STAB2: variants seen among roughly 807,000 people sequenced by gnomAD.
The protein encoded by STAB2 is stabilin 2.
STAB2 carries 288 observed loss-of-function variants against 338.1 expected under a neutral mutation model. The ratio of observed to expected loss-of-function variants is 0.85; its 90% CI spans 0.77 to 0.94. The LOEUF (loss-of-function observed/expected upper bound fraction) is 0.94, where lower values mean the gene tolerates loss of function less well. STAB2 is among the 40% of genes least tolerant of loss of function. The pLI, the probability that STAB2 is intolerant of heterozygous loss-of-function variation, is 0.00. For missense variants in STAB2, 3,141 were observed against 3,210.1 expected (o/e 0.98, Z 0.52); for synonymous variants, 1,202 against 1,193.3 (o/e 1.01, Z -0.15).
At chr12:103,714,574 C>T (rs1359397174) in intron 42 of STAB2, among the ~76,000 whole-genome samples, 2 of 151,868 alleles carry the variant, frequency 1.3e-5, no homozygotes, top group Admixed American at 6.6e-5. Flanking sequence ...GCACACACAG[C>T]TACTTGGGAG....
At chr12:103,663,206 A>C (rs1420491412) in intron 18 of STAB2, among the ~76,000 whole-genome samples, 2 of 152,192 alleles carry the variant, frequency 1.3e-5, no homozygotes, top group Non-Finnish European at 2.9e-5. Flanking sequence ...GAATTTCCGC[A>C]ATGATAGATG....
intron 25 of STAB2, among the ~76,000 whole-genome samples, chr12:103,680,368 C>T (rs1329273587): frequency 6.6e-6 from 1 of 152,174 alleles, no homozygotes; most frequent in Non-Finnish European, 1.5e-5. Flanking sequence ...GCCCACATGA[C>T]TCTAAAGGCC....
intron 35 of STAB2, 141 bp downstream of exon 35, chr12:103,703,417 A>G (rs1414754379): frequency 9.1e-7 from 1 of 1,103,018 alleles, no homozygotes; most frequent in East Asian, 2.5e-5. Flanking sequence ...TGATGTGCCA[A>G]GGAGCATACC....
chr12:103,716,314 C>T (rs1381920288), intron 43 of STAB2, among the ~76,000 whole-genome samples: 1 of 152,154 alleles, frequency 6.6e-6, no homozygotes, highest in Non-Finnish European at 1.5e-5. Context: ...CATGAGCTTG[C>T]AGCATCTGTC....
At chr12:103,680,646 C>T (rs1876815356) in intron 25 of STAB2, among the ~76,000 whole-genome samples, 2 of 152,336 alleles carry the variant, frequency 1.3e-5, no homozygotes, top group African/African-American at 4.8e-5. Context: ...AGCCCTTGTG[C>T]ACAATTACAG....
intron 49 of STAB2, among the ~76,000 whole-genome samples, chr12:103,731,070 G>A (rs77935644): frequency 6.6e-6 from 1 of 151,864 alleles, no homozygotes; most frequent in African/African-American, 2.4e-5. Flanking sequence ...GTCTAAAAAA[G>A]TTTTTTTTAA....
rs75472396 is a variant in STAB2 at position 103,757,533 on chromosome 12, T to C, written c.6988-637T>C. Among the ~76,000 whole-genome samples, 860 of 152,286 alleles carry C rather than the reference T, an allele frequency of 5.6e-3. 4 individuals carry two copies. The highest frequency in any genetic ancestry group is 0.02 in the African/African-American group (813 of 41,564). ...CCTATGGAAAAAGTGGAGCAGGGCTTGGGGGGCACCCCAGGGTCCCCCTTC... is the reference window on the plus strand; with the variant it reads ...CCTATGGAAAAAGTGGAGCAGGGCTCGGGGGGCACCCCAGGGTCCCCCTTC... On this transcript the variant is annotated intron_variant, in intron 63 of 68. Transcript: ENST00000388887.
chr12:103,640,244 C>T lies in STAB2; in HGVS notation c.1028C>T (p.Pro343Leu). The T allele has an allele frequency of 6.2e-7, 1 of 1,612,668 alleles. No individual in the cohort carries two copies. The highest frequency in any genetic ancestry group is 8.5e-7 in the Non-Finnish European group (1 of 1,179,128). The change falls in exon 9 of 69, where the codon CCA (proline) becomes CTA (leucine). Residue 343 changes from proline to leucine, a missense_variant. Physicochemically the swap from Pro to Leu is moderately conservative, Grantham distance 98 (BLOSUM62 -3). Transcript: ENST00000388887. ...AATGCAAATTGCACCACCGTCGCACCAGGCCGAACTGAGTAAGTCTTTTCA... is the reference window on the plus strand; with the variant it reads ...AATGCAAATTGCACCACCGTCGCACTAGGCCGAACTGAGTAAGTCTTTTCA... Reference protein sequence around the residue: ...HRNANCTTVAPGRTECICQKG... With the variant: ...HRNANCTTVALGRTECICQKG...
chr12:103,726,030 A>G, intron 45 of STAB2, 86 bp from the exon 46 acceptor site: 1 of 1,449,976 alleles, frequency 6.9e-7, no homozygotes, highest in Non-Finnish European at 9.6e-7. Flanking sequence ...AGCTGAAGGG[A>G]TGGCAGAGAA....
intron 3 of STAB2, among the ~76,000 whole-genome samples, chr12:103,611,753 C>T (rs536733051): frequency 3.9e-5 from 6 of 152,180 alleles, no homozygotes; most frequent in East Asian, 1.9e-4. Flanking sequence ...TTATTTTGCT[C>T]GTTAGTTGAT....
At chr12:103,724,669 G>A (rs1881039462) in intron 44 of STAB2, among the ~76,000 whole-genome samples, 1 of 152,032 alleles carries the variant, frequency 6.6e-6, no homozygotes, top group Non-Finnish European at 1.5e-5. Flanking sequence ...AAACAGGTGG[G>A]GTCTTCCTAG....
At chr12:103,717,260 C>T (rs11111728) in intron 43 of STAB2, among the ~76,000 whole-genome samples, 4,761 of 152,264 alleles carry the variant, frequency 0.031, 244 homozygotes, top group African/African-American at 0.11. Context: ...CAACTTGAAG[C>T]TTCCACCCAA....
intron 34 of STAB2, among the ~76,000 whole-genome samples, chr12:103,700,923 G>T (rs1461258753): frequency 1.3e-5 from 2 of 151,340 alleles, no homozygotes; most frequent in Non-Finnish European, 2.9e-5. Context: ...GTATACATGT[G>T]CCATGCTGGT....
chr12:103,603,926 T>A (rs969363267), intron 3 of STAB2, among the ~76,000 whole-genome samples: 3 of 152,202 alleles, frequency 2.0e-5, no homozygotes, highest in African/African-American at 7.2e-5. Flanking sequence ...TTACAAATTT[T>A]GCAGAATTCT....
At chr12:103,753,428 G>A (rs1209877541) in intron 61 of STAB2, 75 bp downstream of exon 61, 1 of 1,601,486 alleles carries the variant, frequency 6.2e-7, no homozygotes, top group South Asian at 1.1e-5. Flanking sequence ...TTAAGATGGG[G>A]AAGACTTGAG....
chr12:103,726,053 C>G, intron 45 of STAB2, 63 bp from the exon 46 acceptor site: 1 of 1,574,504 alleles, frequency 6.4e-7, no homozygotes, highest in Non-Finnish European at 8.7e-7. Flanking sequence ...CATCCCATGA[C>G]AACCCTGTAT....
At chr12:103,638,362 G>A (rs1957586629) in intron 8 of STAB2, 150 bp downstream of exon 8, 20 of 843,552 alleles carry the variant, frequency 2.4e-5, no homozygotes, top group Non-Finnish European at 3.5e-5. Context: ...TGTGCTCAGA[G>A]CCTGAAATCA....
intron 65 of STAB2, among the ~76,000 whole-genome samples, chr12:103,760,647 T>C (rs2139238158): frequency 6.6e-6 from 1 of 151,968 alleles, no homozygotes; most frequent in Middle Eastern, 3.4e-3. Context: ...ACCGTGGGGG[T>C]AGCGGTGGAG....
At chr12:103,610,943 G>T (rs1318929724) in intron 3 of STAB2, among the ~76,000 whole-genome samples, 1 of 152,110 alleles carries the variant, frequency 6.6e-6, no homozygotes, top group African/African-American at 2.4e-5. Context: ...ATTTCATTAT[G>T]TACCCAGTAG....
Sources: gnomAD v4.1 joint callset for allele counts (sites outside exome capture counted in the v4.1 genomes callset) on GRCh38, gnomAD v4.1.1 for gene constraint, MANE v1.5 for transcripts, NCBI Gene and HGNC (gene_info 2026-07-23, HGNC 2026-07-21) for gene names.